The following IGFBP2 variants were observed in gnomAD, a reference collection of about 807,000 sequenced individuals.
The protein encoded by IGFBP2 is insulin-like growth factor-binding protein 2.
A neutral mutation model predicts 26.2 loss-of-function variants in IGFBP2; 12 were observed. The observed-to-expected ratio is 0.46, with a 90% CI of 0.29 to 0.74. The LOEUF (loss-of-function observed/expected upper bound fraction) is 0.74. Among genes scored for constraint, IGFBP2 ranks in the 30% least tolerant of loss-of-function variants. The pLI is 0.09. For missense variants in IGFBP2, 328 were observed against 441.2 expected, an observed-to-expected ratio of 0.74 and a Z score of 2.30; for synonymous variants, 189 against 200.6, an observed-to-expected ratio of 0.94 and a Z score of 0.49.
intron 1 of IGFBP2, among the ~76,000 whole-genome samples, chr2:216,655,995 T>A (rs1050281568): frequency 6.6e-6 from 1 of 151,794 alleles, no homozygotes; most frequent in Non-Finnish European, 1.5e-5. Flanking sequence ...ACCTAAAAGT[T>A]ATTTTTTTTT....
chr2:216,663,848 C>T, intron 3 of IGFBP2, 92 bp from the exon 4 acceptor site: 1 of 1,387,974 alleles, frequency 7.2e-7, no homozygotes, highest in Non-Finnish European at 9.8e-7. Flanking sequence ...TGGGTAGCTG[C>T]AAGGGGTGGC....
chr2:216,635,298 C>G (rs544690870), intron 1 of IGFBP2, among the ~76,000 whole-genome samples: 1 of 152,098 alleles, frequency 6.6e-6, no homozygotes, highest in African/African-American at 2.4e-5. Flanking sequence ...TCCCTCGGCT[C>G]GCTTCCTTCC....
Position 216,633,532 on chromosome 2 carries a change from G to A in IGFBP2, c.9G>A (p.Pro3=), listed in dbSNP as rs1197480339. ...CGCTGCCGACCGCCAGCATGCTGCC[G>A]AGAGTGGGCTGCCCCGCGCTGCCGC... ML[P]RVGCPALPLP... The change falls in exon 1 of 4, where the codon CCG becomes CCA. Residue 3 remains proline, a synonymous_variant. Coordinates refer to ENST00000233809, the MANE Select transcript of IGFBP2 (RefSeq NM_000597.3). The A allele has an allele frequency of 2.3e-6, 2 of 871,632 alleles. No homozygotes were observed. Among genetic ancestry groups the A allele is most frequent in the East Asian group, 2.3e-4 (2 of 8,818 alleles). The allele number at this position is 871,632 out of a possible 1,614,324, so 54.0% of individuals were successfully genotyped here.
intron 1 of IGFBP2, among the ~76,000 whole-genome samples, chr2:216,640,225 A>G (rs367950929): frequency 3.3e-5 from 5 of 152,310 alleles, no homozygotes; most frequent in African/African-American, 1.2e-4. Flanking sequence ...GATATTATGT[A>G]GGTGACTGGA....
In IGFBP2 at chr2:216,649,508, G is replaced by A. The variant is rs143089161; in HGVS notation, c.443-11049G>A. Among the ~76,000 whole-genome samples the A allele has an allele frequency of 2.2e-3, 333 of 152,308 alleles. 5 individuals carry two copies. The South Asian group carries it at 0.033, about 15-fold the overall frequency. ...ATCAAAGCACAGTCTACTCACTTGGGCCTCAGCAACTAGGTCACCTTGCCA... is the reference window on the plus strand; with the variant it reads ...ATCAAAGCACAGTCTACTCACTTGGACCTCAGCAACTAGGTCACCTTGCCA... On this transcript the variant is annotated intron_variant, in intron 1 of 3. Transcript: ENST00000233809.
chr2:216,634,823 C>T (rs944551804), intron 1 of IGFBP2, among the ~76,000 whole-genome samples: 2 of 133,966 alleles, frequency 1.5e-5, no homozygotes, highest in African/African-American at 2.8e-5. Flanking sequence ...ACCCGATATT[C>T]TTTGTTCAGG....
Position 216,664,061 on chromosome 2 carries a change from A to G in IGFBP2, c.935A>G (p.Glu312Gly). 1 of 1,613,546 alleles carries G rather than the reference A, an allele frequency of 6.2e-7. No homozygotes were observed. Among genetic ancestry groups the G allele is most frequent in the Non-Finnish European group, 8.5e-7 (1 of 1,179,902 alleles). ...CCCGAGTGTCATCTCTTCTACAATG[A>G]GCAGCAGGAGGCTCGCGGGGTGCAC... Reference protein sequence around the residue: ...GDPECHLFYNEQQEARGVHTQ... With the variant: ...GDPECHLFYNGQQEARGVHTQ... The change falls in exon 4 of 4, where the codon GAG (glutamate) becomes GGG (glycine). Residue 312 changes from glutamate to glycine, a missense_variant. Coordinates refer to ENST00000233809, the MANE Select transcript of IGFBP2 (RefSeq NM_000597.3). This position sits in a 1 kb window ranked among gnomAD's most constrained non-coding sequence, Gnocchi z 4.6.
rs149632333 is a variant in IGFBP2 at position 216,647,588 on chromosome 2, C to T, written c.443-12969C>T. 3.5e-4 allele frequency among the ~76,000 whole-genome samples: 54 copies of T among 152,282 alleles called. No individual in the cohort carries two copies. In the East Asian group the frequency reaches 7.3e-3, roughly 21 times the overall value. ...AGGCTGGAGTGCAGTGGCGTGATCTCGGCTTACCGCAAGCTCCGCCTCCCG... is the reference window on the plus strand; with the variant it reads ...AGGCTGGAGTGCAGTGGCGTGATCTTGGCTTACCGCAAGCTCCGCCTCCCG... On this transcript the variant is annotated intron_variant, in intron 1 of 3. Coordinates refer to ENST00000233809, the MANE Select transcript of IGFBP2 (RefSeq NM_000597.3).
intron 1 of IGFBP2, among the ~76,000 whole-genome samples, chr2:216,656,208 G>A (rs1697920330): frequency 6.6e-6 from 1 of 152,152 alleles, no homozygotes; most frequent in South Asian, 2.1e-4. Flanking sequence ...ACGCAGCCAA[G>A]GGATGGTTCT....
chr2:216,652,326 A>G (rs1340374680), intron 1 of IGFBP2, among the ~76,000 whole-genome samples: 1 of 152,144 alleles, frequency 6.6e-6, no homozygotes, highest in African/African-American at 2.4e-5. Context: ...GGCATGCGCC[A>G]CCATGCCTGG....
chr2:216,635,607 C>CT (rs5838591), intron 1 of IGFBP2, among the ~76,000 whole-genome samples: 11 of 149,318 alleles, frequency 7.4e-5, no homozygotes, highest in African/African-American at 2.5e-4. Context: ...TAACGTTTTA[C>CT]TTTTTTTTTT....
At chr2:216,649,466 C>A (rs1697776478) in intron 1 of IGFBP2, among the ~76,000 whole-genome samples, 1 of 152,170 alleles carries the variant, frequency 6.6e-6, no homozygotes, top group African/African-American at 2.4e-5. Context: ...TTCCCATAGT[C>A]CCTGGTTCAA....
At position 216,646,041 on chromosome 2, in the gene IGFBP2, A is replaced by G. The variant is rs191582373; in HGVS notation, c.442+12076A>G. Among the ~76,000 whole-genome samples, 229 of 152,328 alleles carry G rather than the reference A, an allele frequency of 1.5e-3. 3 individuals are homozygous for G. The highest frequency in any genetic ancestry group is 0.012 in the Admixed American group (184 of 15,304). On this transcript the variant is annotated intron_variant, in intron 1 of 3. Transcript: ENST00000233809. ...AAATTAGTGAACTTTAGTTGAAGAC[A>G]GAGAAAAGCATGGTGACCTATTTAA...
At chr2:216,651,329 C>A (rs1256726226) in intron 1 of IGFBP2, among the ~76,000 whole-genome samples, 1 of 152,166 alleles carries the variant, frequency 6.6e-6, no homozygotes, top group Non-Finnish European at 1.5e-5. Context: ...AGTTTGGTGA[C>A]CACCATCAGC....
At chr2:216,640,966 GC>G (rs1217278592) in intron 1 of IGFBP2, among the ~76,000 whole-genome samples, 1 of 152,228 alleles carries the variant, frequency 6.6e-6, no homozygotes, top group African/African-American at 2.4e-5. Context: ...GAGAAGAGCT[GC>G]TGGGTAGCAG....
intron 1 of IGFBP2, among the ~76,000 whole-genome samples, chr2:216,643,665 T>TA (rs35784683): frequency 1.4e-3 from 196 of 144,144 alleles, no homozygotes; most frequent in Middle Eastern, 3.7e-3. Context: ...GCTGATGAGC[T>TA]AAAAAAAAAA....
intron 3 of IGFBP2, chr2:216,663,726 C>T (rs1216480564): frequency 1.8e-5 from 9 of 504,906 alleles, no homozygotes; most frequent in African/African-American, 3.8e-5. Flanking sequence ...CGTTGGAGCT[C>T]GCTAGCGATG....
intron 1 of IGFBP2, among the ~76,000 whole-genome samples, chr2:216,655,287 A>T (rs1351772039): frequency 6.6e-6 from 1 of 152,140 alleles, no homozygotes; most frequent in East Asian, 1.9e-4. Context: ...CTTGAATTGT[A>T]ATCCCCATAA....
rs947087922 is a variant in IGFBP2 at position 216,660,777 on chromosome 2, C to T, written c.663C>T (p.Pro221=). Residue 221 remains proline (P), a synonymous_variant, in exon 2 of 4, where the codon CCC becomes CCT. Transcript: ENST00000233809. ...GLEEPKKLRP[P]PARTPCQQEL... ...AGGAGCCCAAGAAGCTGCGACCACC[C>T]CCTGCCAGGGTCAGTGAGGGTCAGG... The T allele has an allele frequency of 1.9e-6, 3 of 1,584,654 alleles. No individual in the cohort carries two copies. Among genetic ancestry groups the T allele is most frequent in the Middle Eastern group, 1.7e-4 (1 of 6,024 alleles).
Sources: gnomAD v4.1 joint callset for allele counts (sites outside exome capture counted in the v4.1 genomes callset) on GRCh38, gnomAD v4.1.1 for gene constraint, Gnocchi (gnomAD v3.1) non-coding constraint, MANE v1.5 for transcripts, NCBI Gene and HGNC (gene_info 2026-07-23, HGNC 2026-07-21) for gene names.